The following ATP8B1 variants were observed in gnomAD, a reference collection of about 807,000 sequenced individuals.
The protein encoded by ATP8B1 is ATPase phospholipid transporting 8B1, also known as phospholipid-transporting ATPase IC.
In ATP8B1, 80 loss-of-function variants were observed where a neutral mutation model predicts 149.9. That is an observed-to-expected ratio of 0.53 (90% confidence interval 0.45 to 0.64). ATP8B1 has a LOEUF of 0.64. Among genes scored for constraint, ATP8B1 ranks in the 30% least tolerant of loss-of-function variants. ATP8B1 has a pLI of 0.00. For synonymous variants in ATP8B1, 536 were observed against 562.8 expected, an observed-to-expected ratio of 0.95 and a Z score of 0.67; for missense variants, 1,247 against 1,552.6, an observed-to-expected ratio of 0.80 and a Z score of 3.31.
rs2080040780 is a variant in ATP8B1 at position 57,753,301 on chromosome 18, T to C, written c.-25-21469A>G. ...AATGAAAAGATGCATTGGCTGAGCT[T>C]ACTTGGAAATAATATGGAAAGAGAG... On this transcript the variant is annotated intron_variant, in intron 1 of 27. Coordinates refer to ENST00000648908, the MANE Select transcript of ATP8B1 (RefSeq NM_001374385.1). 2.6e-5 allele frequency among the ~76,000 whole-genome samples: 4 copies of C among 152,242 alleles called. No homozygotes were observed. The South Asian group carries it at 8.3e-4, about 32-fold the overall frequency.
chr18:57,665,581 C>T (rs1910799077), intron 20 of ATP8B1, among the ~76,000 whole-genome samples: 1 of 151,626 alleles, frequency 6.6e-6, no homozygotes. Flanking sequence ...GAGACGGAGT[C>T]TTGCTCTGTC....
chr18:57,778,503 T>G (rs540749762), intron 1 of ATP8B1, among the ~76,000 whole-genome samples: 1 of 152,280 alleles, frequency 6.6e-6, no homozygotes, highest in Non-Finnish European at 1.5e-5. Context: ...GTGCTGGGAT[T>G]ACAGGCATGA....
intron 11 of ATP8B1, among the ~76,000 whole-genome samples, chr18:57,692,493 TG>T (rs1371949722): frequency 1.4e-5 from 2 of 138,536 alleles, no homozygotes; most frequent in East Asian, 4.7e-4. Flanking sequence ...TGGAGTGCAG[TG>T]GTGCCATTGT....
intron 2 of ATP8B1, among the ~76,000 whole-genome samples, chr18:57,713,286 T>TTC (rs139330730): frequency 5.0e-5 from 7 of 138,806 alleles, no homozygotes; most frequent in South Asian, 2.4e-4. Context: ...TCTTTTTTCT[T>TTC]TCTCTCTCTC....
chr18:57,676,984 C>G (rs1429912192), intron 15 of ATP8B1, among the ~76,000 whole-genome samples: 1 of 152,088 alleles, frequency 6.6e-6, no homozygotes, highest in African/African-American at 2.4e-5. Context: ...GCACTCCAGC[C>G]TGGCTGACAG....
At chr18:57,711,147 C>T (rs1359966233) in intron 2 of ATP8B1, among the ~76,000 whole-genome samples, 5 of 152,168 alleles carry the variant, frequency 3.3e-5, no homozygotes, top group Admixed American at 3.3e-4. Context: ...AAATTTAACA[C>T]ACACATGCAC....
intron 2 of ATP8B1, among the ~76,000 whole-genome samples, chr18:57,713,228 CTTCCTTCCTTCCTTCT>C (rs1486809098): frequency 7.1e-4 from 81 of 113,468 alleles, no homozygotes; most frequent in Middle Eastern, 4.8e-3. Flanking sequence ...TCCTTCCTTC[CTTCCTTCCTTCCTTCT>C]TTCTTTCTTT....
intron 25 of ATP8B1, 52 bp downstream of exon 25, chr18:57,652,432 A>C: frequency 6.2e-7 from 1 of 1,611,740 alleles, no homozygotes; most frequent in Admixed American, 1.7e-5. Flanking sequence ...TATATACAGA[A>C]ATATAAGTAG....
intron 1 of ATP8B1, among the ~76,000 whole-genome samples, chr18:57,736,024 T>C (rs888146644): frequency 7.0e-6 from 1 of 142,542 alleles, no homozygotes; most frequent in Admixed American, 7.1e-5. Flanking sequence ...CTCCCTGTGT[T>C]CATGTGTTCT....
intron 1 of ATP8B1, among the ~76,000 whole-genome samples, chr18:57,736,343 TTTG>T (rs2079854148): frequency 1.3e-5 from 2 of 152,238 alleles, no homozygotes; most frequent in Non-Finnish European, 2.9e-5. Context: ...TTTGTCTATT[TTTG>T]TTGTTGTTGT....
chr18:57,707,468 G>A (rs1442558584), intron 2 of ATP8B1, among the ~76,000 whole-genome samples: 1 of 152,128 alleles, frequency 6.6e-6, no homozygotes, highest in Non-Finnish European at 1.5e-5. Flanking sequence ...TTAACAATGA[G>A]TGTGGCACAA....
In ATP8B1 at chr18:57,722,954, C is replaced by T. The variant is rs1480782268; in HGVS notation, c.181+8673G>A. On this transcript the variant is annotated intron_variant, in intron 2 of 27. Transcript: ENST00000648908. The stretch of plus-strand genomic sequence containing the variant: ...CAAGGCTGGTTCAATATACGCAAAT[C>T]GATAAATGTAATCCAGCATATAAAC... 3.3e-4 allele frequency among the ~76,000 whole-genome samples: 50 copies of T among 150,812 alleles called. No individual in the cohort carries two copies. In the East Asian group the frequency reaches 8.4e-3, roughly 25 times the overall value.
At chr18:57,701,852 C>T (rs1913144487) in intron 4 of ATP8B1, among the ~76,000 whole-genome samples, 3 of 151,912 alleles carry the variant, frequency 2.0e-5, no homozygotes, top group Non-Finnish European at 4.4e-5. Context: ...TGTGCCACCA[C>T]CCCCGGCTAA....
At chr18:57,728,985 G>A (rs139966612) in intron 2 of ATP8B1, among the ~76,000 whole-genome samples, 8 of 152,154 alleles carry the variant, frequency 5.3e-5, no homozygotes, top group African/African-American at 1.9e-4. Flanking sequence ...CTCCCAAAGT[G>A]CTGGGATTAC....
intron 1 of ATP8B1, among the ~76,000 whole-genome samples, chr18:57,781,372 A>G (rs1202726870): frequency 1.3e-5 from 2 of 152,202 alleles, no homozygotes; most frequent in Non-Finnish European, 2.9e-5. Flanking sequence ...TTTTGGCAAC[A>G]CTGCAGAGTT....
intron 1 of ATP8B1, among the ~76,000 whole-genome samples, chr18:57,769,315 C>G (rs1021952471): frequency 1.3e-5 from 2 of 152,158 alleles, no homozygotes; most frequent in Non-Finnish European, 2.9e-5. Flanking sequence ...TGATTGGCTC[C>G]CTTCTCCCTG....
chr18:57,652,041 T>C lies in ATP8B1; in HGVS notation c.3393A>G (p.Gln1131=). ...GAATTTGGAAATACCAACCTGTAAA[T>C]TGAAATGCAGATGGAAAGAGAACAT... ...GIHVLFPSAF[Q]FTGTASNALR... Residue 1131 remains glutamine, a synonymous_variant, in exon 26 of 28, where the codon CAA becomes CAG. Coordinates refer to ENST00000648908, the MANE Select transcript of ATP8B1 (RefSeq NM_001374385.1). 6.2e-7 allele frequency: 1 copy of C among 1,613,492 alleles called. No homozygotes were observed. The highest frequency in any genetic ancestry group is 8.5e-7 in the Non-Finnish European group (1 of 1,179,850).
rs1909345782 is a variant in ATP8B1, at chr18:57,648,576, G to A, written c.3668C>T (p.Ser1223Phe). 7 of 1,611,404 alleles carry A rather than the reference G, an allele frequency of 4.3e-6. No individual in the cohort carries two copies. The highest frequency in any genetic ancestry group is 5.9e-6 in the Non-Finnish European group (7 of 1,179,926). Residue 1223 changes from serine to phenylalanine, a missense_variant, in exon 28 of 28, where the codon TCC (serine) becomes TTC (phenylalanine). Around this residue, in one of 3 missense-constraint regions of ATP8B1, gnomAD observed 164 missense variants for 160.3 expected, o/e 1.02. Transcript: ENST00000648908. The stretch of plus-strand genomic sequence containing the variant: ...GCGCTTCTTGCGGATGCTGCGCCCG[G>A]AGGAGATGAGGTCCGCGTAGCCCCG... ...HQRGYADLIS[S>F]GRSIRKKRSP...
Position 57,704,359 on chromosome 18 carries a change from T to C in ATP8B1, c.393+196A>G, listed in dbSNP as rs369645364. ...TTTAAAATACAGAATTAGAATAATA[T>C]TTCCATTTGCTCCCTTTCCCTGTTC... On this transcript the variant is annotated intron_variant, in intron 4 of 27. Coordinates refer to ENST00000648908, the MANE Select transcript of ATP8B1 (RefSeq NM_001374385.1). 6.4e-4 allele frequency among the ~76,000 whole-genome samples: 98 copies of C among 152,322 alleles called. 1 individual carries two copies. In the South Asian group the frequency reaches 0.02, roughly 31 times the overall value.
Sources: allele counts gnomAD v4.1 joint callset (sites outside exome capture counted in the v4.1 genomes callset), GRCh38; gene constraint gnomAD v4.1.1; regional missense constraint gnomAD v4.1.1; transcripts MANE v1.5; gene names NCBI Gene and HGNC (gene_info 2026-07-23, HGNC 2026-07-21).